The following SLC25A42 variants were observed in gnomAD, a reference collection of about 807,000 sequenced individuals.
SLC25A42 encodes mitochondrial coenzyme A transporter SLC25A42.
A neutral mutation model predicts 34.7 loss-of-function variants in SLC25A42; 19 were observed. The observed-to-expected ratio is 0.55, with a 90% confidence interval of 0.38 to 0.80. SLC25A42 has a LOEUF of 0.80. Ranked by LOEUF, SLC25A42 falls within the 30% of genes least tolerant of loss-of-function variation. The probability of loss-of-function intolerance (pLI) is 0.00; values close to 1 mark genes in which losing one functional copy is unlikely to be tolerated. For synonymous variants in SLC25A42, 205 were observed against 191.2 expected (o/e 1.07, Z -0.59); for missense variants, 364 against 441.3 (o/e 0.82, Z 1.57).
At chr19:19,082,891 C>G (rs1428192834) in intron 1 of SLC25A42, among the ~76,000 whole-genome samples, 4 of 151,962 alleles carry the variant, frequency 2.6e-5, no homozygotes, top group Non-Finnish European at 4.4e-5. Context: ...GATCTCAGCT[C>G]ACTGCAACCT....
chr19:19,097,760 C>T (rs534219645), intron 2 of SLC25A42, among the ~76,000 whole-genome samples: 2 of 152,030 alleles, frequency 1.3e-5, no homozygotes, highest in East Asian at 1.9e-4. Flanking sequence ...GTCAGGAGTT[C>T]GAGACCAGCC....
At chr19:19,070,717 G>A (rs2059625876) in intron 1 of SLC25A42, among the ~76,000 whole-genome samples, 1 of 152,212 alleles carries the variant, frequency 6.6e-6, no homozygotes. Flanking sequence ...AGAAGGCCAT[G>A]TTCTGAGGTT....
At chr19:19,085,618 G>A (rs755904440) in intron 1 of SLC25A42, among the ~76,000 whole-genome samples, 12 of 152,158 alleles carry the variant, frequency 7.9e-5, no homozygotes, top group African/African-American at 1.7e-4. Context: ...AGGTGAGGCC[G>A]GCCTTGGCCT....
At position 19,106,255 on chromosome 19, in the gene SLC25A42, C is replaced by T. The variant is rs747440263; in HGVS notation, c.381-14C>T. ...CCTCACTGCCGTCTCGCCTTCTCCT[C>T]CTGCCCTGTTCAGAGCCCTGCCCCC... On this transcript the variant is annotated splice_polypyrimidine_tract_variant and intron_variant, in intron 5 of 7. Coordinates refer to ENST00000318596, the MANE Select transcript of SLC25A42 (RefSeq NM_178526.5). The T allele has an allele frequency of 2.4e-5, 39 of 1,607,082 alleles. 1 individual carries two copies. The East Asian group carries it at 7.4e-4, about 30-fold the overall frequency.
At chr19:19,065,201 A>G (rs930976728) in intron 1 of SLC25A42, among the ~76,000 whole-genome samples, 1 of 151,898 alleles carries the variant, frequency 6.6e-6, no homozygotes, top group Non-Finnish European at 1.5e-5. Flanking sequence ...CTGGCGGTGG[A>G]GACGCTGCCG....
At position 19,096,304 on chromosome 19, in the gene SLC25A42, C is replaced by T. The variant is rs1445253244; in HGVS notation, c.81+99C>T. The T allele has an allele frequency of 9.4e-6, 8 of 852,736 alleles. No homozygotes were observed. The South Asian group carries it at 1.1e-4, about 12-fold the overall frequency. The allele number at this position is 852,736 out of a possible 1,614,324, so 52.8% of individuals were successfully genotyped here. A position where few individuals can be genotyped will look rare whatever the true frequency, so the allele number is the denominator to read the frequency against. On this transcript the variant is annotated intron_variant, in intron 2 of 7. Coordinates refer to ENST00000318596, the MANE Select transcript of SLC25A42 (RefSeq NM_178526.5). ...TGCCTCCTCCTCCCAGCCTCTGCAC[C>T]CCCTCCAAACAGGCTCAGGGATTCC...
intron 1 of SLC25A42, among the ~76,000 whole-genome samples, chr19:19,088,143 G>A (rs551205947): frequency 6.6e-6 from 1 of 152,082 alleles, no homozygotes; most frequent in South Asian, 2.1e-4. Flanking sequence ...CTCTTACCAG[G>A]AGTTTCTAAG....
rs552478111 is a variant in SLC25A42, at chr19:19,093,041, GACCCA to G, written c.-34-3049_-34-3045del. Among the ~76,000 whole-genome samples, 76 of 152,180 alleles carry G rather than the reference GACCCA, an allele frequency of 5.0e-4. 1 individual carries two copies. The South Asian group carries it at 8.9e-3, about 18-fold the overall frequency. On this transcript the variant is annotated intron_variant, in intron 1 of 7. Transcript: ENST00000318596. Reference sequence around the variant, plus strand: ...AGTTTAGTTTATTTTTATTTTTTGAGACCCAGTCTTGCTCTGTCACCTGCGCTGGA... The same window carrying G: ...AGTTTAGTTTATTTTTATTTTTTGAGGTCTTGCTCTGTCACCTGCGCTGGA...
intron 3 of SLC25A42, among the ~76,000 whole-genome samples, chr19:19,104,660 T>C (rs1387854800): frequency 1.3e-5 from 2 of 152,160 alleles, no homozygotes; most frequent in Non-Finnish European, 2.9e-5. Flanking sequence ...ACACCTTCCC[T>C]GCAGGGGTTT....
At chr19:19,102,041 C>T (rs1477452468) in intron 3 of SLC25A42, among the ~76,000 whole-genome samples, 155 bp downstream of exon 3, 7 of 151,652 alleles carry the variant, frequency 4.6e-5, no homozygotes, top group Admixed American at 4.6e-4. Flanking sequence ...CGGAGTCTCG[C>T]TCTGTCACCC....
At chr19:19,086,590 T>C (rs757515472) in intron 1 of SLC25A42, among the ~76,000 whole-genome samples, 1 of 152,178 alleles carries the variant, frequency 6.6e-6, no homozygotes, top group Non-Finnish European at 1.5e-5. Flanking sequence ...TTAAAATTGT[T>C]TATATTTAAC....
intron 3 of SLC25A42, among the ~76,000 whole-genome samples, chr19:19,104,581 G>A (rs1184503908): frequency 1.3e-5 from 2 of 152,224 alleles, no homozygotes; most frequent in Non-Finnish European, 2.9e-5. Flanking sequence ...CCCACATGTA[G>A]ACCCCTGCAG....
rs778567635 is a variant in SLC25A42, at chr19:19,096,256, C to CTGGGATGGGTGTTCT, written c.81+51_81+52insTGGGATGGGTGTTCT. 9 of 1,274,026 alleles carry CTGGGATGGGTGTTCT rather than the reference C, an allele frequency of 7.1e-6. No individual in the cohort carries two copies. In the African/African-American group the frequency reaches 1.1e-4, roughly 15 times the overall value. 78.9% of individuals were successfully genotyped at this position (1,274,026 alleles called of 1,614,324 possible). On this transcript the variant is annotated intron_variant, in intron 2 of 7. Transcript: ENST00000318596. Reference sequence around the variant, plus strand: ...GGTGTTCTCCTGGGGCCCCAGCCTCCCCACCCCCCCTCCCAGGCTCCCTGC... The same window carrying CTGGGATGGGTGTTCT: ...GGTGTTCTCCTGGGGCCCCAGCCTCCTGGGATGGGTGTTCTCCACCCCCCCTCCCAGGCTCCCTGC...
At chr19:19,088,422 G>A (rs1290125061) in intron 1 of SLC25A42, among the ~76,000 whole-genome samples, 3 of 151,938 alleles carry the variant, frequency 2.0e-5, no homozygotes, top group East Asian at 3.9e-4. Context: ...TAGCCAGGAT[G>A]GACTCGATCT....
At position 19,101,778 on chromosome 19, in the gene SLC25A42, C is replaced by T. The variant is rs747779583; in HGVS notation, c.82-3C>T. ...TGACCTCTGATCACATGTTCTGTTG[C>T]AGCGTGACCACAGGCAAGTGCTCAG... On this transcript the variant is annotated splice_polypyrimidine_tract_variant and splice_region_variant and intron_variant, in intron 2 of 7. Transcript: ENST00000318596. The T allele has an allele frequency of 3.1e-6, 5 of 1,610,038 alleles. No individual in the cohort carries two copies. In the African/African-American group the frequency reaches 5.4e-5, roughly 17 times the overall value.
At chr19:19,095,102 G>A (rs2059757390) in intron 1 of SLC25A42, among the ~76,000 whole-genome samples, 2 of 152,144 alleles carry the variant, frequency 1.3e-5, no homozygotes, top group Admixed American at 1.3e-4. Context: ...TTGAGAGGCT[G>A]AGGCACAAGA....
intron 1 of SLC25A42, among the ~76,000 whole-genome samples, chr19:19,074,320 C>T (rs975682159): frequency 1.5e-4 from 23 of 152,162 alleles, no homozygotes; most frequent in Non-Finnish European, 2.9e-4. Context: ...TTGGGGTTAA[C>T]GGGCAGCAGC....
At chr19:19,082,626 G>C (rs8102294) in intron 1 of SLC25A42, among the ~76,000 whole-genome samples, 30 of 152,024 alleles carry the variant, frequency 2.0e-4, no homozygotes, top group South Asian at 1.5e-3. Flanking sequence ...GCCTCCCAAA[G>C]GGCTGGAATT....
At chr19:19,108,577 A>G (rs1416135466) in intron 7 of SLC25A42, among the ~76,000 whole-genome samples, 1 of 150,752 alleles carries the variant, frequency 6.6e-6, no homozygotes, top group East Asian at 1.9e-4. Flanking sequence ...GACTCTGGGA[A>G]GCCCAGTGTG....
Sources: gnomAD v4.1 joint callset for allele counts (sites outside exome capture counted in the v4.1 genomes callset) on GRCh38, gnomAD v4.1.1 for gene constraint, MANE v1.5 for transcripts, NCBI Gene and HGNC (gene_info 2026-07-23, HGNC 2026-07-21) for gene names.